Variants in CAMK4 observed in about 807,000 individuals in gnomAD.
CAMK4 encodes the protein calcium/calmodulin dependent protein kinase IV.
Under a neutral mutation model 44.9 loss-of-function variants are expected in CAMK4, and 22 were observed. The ratio of observed to expected loss-of-function variants is 0.49; its 90% confidence interval spans 0.35 to 0.70. The LOEUF is 0.70. CAMK4 is among the 30% of genes least tolerant of loss of function. The probability of loss-of-function intolerance (pLI) is 0.01; values close to 1 mark genes in which losing one functional copy is unlikely to be tolerated. For synonymous variants in CAMK4, 218 were observed against 215.4 expected, an observed-to-expected ratio of 1.01 and a Z score of -0.11; for missense variants, 498 against 586.8, an observed-to-expected ratio of 0.85 and a Z score of 1.56.
At chr5:111,436,848 G>C (rs1753663847) in intron 5 of CAMK4, among the ~76,000 whole-genome samples, 1 of 152,162 alleles carries the variant, frequency 6.6e-6, no homozygotes, top group East Asian at 1.9e-4. Context: ...ATTTTCAACA[G>C]TCTTTCCCCA....
chr5:111,246,466 A>G (rs1749244656), intron 1 of CAMK4, among the ~76,000 whole-genome samples: 1 of 152,216 alleles, frequency 6.6e-6, no homozygotes, highest in South Asian at 2.1e-4. Context: ...TCAAGTCACT[A>G]AAGTCCAGAA....
chr5:111,425,729 A>G (rs1753202877), intron 5 of CAMK4, among the ~76,000 whole-genome samples: 1 of 152,228 alleles, frequency 6.6e-6, no homozygotes, highest in East Asian at 1.9e-4. Flanking sequence ...CTTATTCCCC[A>G]TAAACACCAG....
At chr5:111,369,671 C>T (rs1245392107) in intron 2 of CAMK4, among the ~76,000 whole-genome samples, 1 of 152,076 alleles carries the variant, frequency 6.6e-6, no homozygotes, top group Non-Finnish European at 1.5e-5. Flanking sequence ...CCTCAGTATC[C>T]ATGGGAGATT....
chr5:111,345,326 A>G (rs1749821629), intron 2 of CAMK4, among the ~76,000 whole-genome samples: 1 of 151,928 alleles, frequency 6.6e-6, no homozygotes, highest in African/African-American at 2.4e-5. Flanking sequence ...TGGTGTAGGC[A>G]ATGATTTAAC....
At chr5:111,417,223 G>T (rs1752845316) in intron 5 of CAMK4, among the ~76,000 whole-genome samples, 1 of 105,906 alleles carries the variant, frequency 9.4e-6, no homozygotes, top group Non-Finnish European at 1.9e-5. Context: ...ATCACACCCA[G>T]CTAATTTTTT....
intron 5 of CAMK4, among the ~76,000 whole-genome samples, chr5:111,424,102 A>G (rs984728330): frequency 6.6e-6 from 1 of 152,210 alleles, no homozygotes; most frequent in Non-Finnish European, 1.5e-5. Context: ...ATGCCCTGCT[A>G]TAGACTATAT....
At chr5:111,473,031 C>G (rs187025549) in intron 7 of CAMK4, among the ~76,000 whole-genome samples, 73 of 152,298 alleles carry the variant, frequency 4.8e-4, no homozygotes, top group South Asian at 1.7e-3. Context: ...AGCATACATA[C>G]AGCTCTATCT....
chr5:111,435,603 G>GC (rs1376830451), intron 5 of CAMK4, among the ~76,000 whole-genome samples: 1 of 152,184 alleles, frequency 6.6e-6, no homozygotes, highest in African/African-American at 2.4e-5. Context: ...CTTGGCCAGA[G>GC]TGTGCAGACT....
chr5:111,261,873 G>T (rs984000650), intron 1 of CAMK4, among the ~76,000 whole-genome samples: 3 of 152,030 alleles, frequency 2.0e-5, no homozygotes, highest in African/African-American at 4.8e-5. Flanking sequence ...CTTCTTAAAA[G>T]TATTTTTTTT....
At chr5:111,453,791 G>T (rs1754319294) in intron 7 of CAMK4, among the ~76,000 whole-genome samples, 1 of 152,182 alleles carries the variant, frequency 6.6e-6, no homozygotes, top group Non-Finnish European at 1.5e-5. Flanking sequence ...TGCCTTTTGG[G>T]GTATTTTCTT....
rs115507597 is a variant in CAMK4, at chr5:111,392,437, T to G, written c.387-2273T>G. Among the ~76,000 whole-genome samples the G allele has an allele frequency of 7.0e-3, 1,068 of 152,096 alleles. 17 individuals are homozygous for G. Among genetic ancestry groups the G allele is most frequent in the African/African-American group, 0.024 (1,004 of 41,496 alleles). ...CTCCCACTGGGCCCCTCCTCCAATT[T>G]GACATGAGATTTGGGTGGGAACACA... On this transcript the variant is annotated intron_variant, in intron 4 of 10. Transcript: ENST00000282356.
chr5:111,261,662 A>G (rs781055010), intron 1 of CAMK4, among the ~76,000 whole-genome samples: 13 of 151,968 alleles, frequency 8.6e-5, no homozygotes, highest in Non-Finnish European at 1.5e-4. Context: ...TTATCATGCA[A>G]AAGTTGGAGA....
chr5:111,357,169 A>C (rs756285051), intron 2 of CAMK4, among the ~76,000 whole-genome samples: 12 of 152,156 alleles, frequency 7.9e-5, no homozygotes, highest in Non-Finnish European at 1.5e-4. Flanking sequence ...TAACCAACTA[A>C]AAACAGAGGA....
At chr5:111,427,614 T>A (rs1268539801) in intron 5 of CAMK4, among the ~76,000 whole-genome samples, 1 of 152,210 alleles carries the variant, frequency 6.6e-6, no homozygotes, top group Non-Finnish European at 1.5e-5. Context: ...TTGGCATTCC[T>A]CGTGGCCTGA....
At chr5:111,480,310 C>G (rs963919905) in intron 9 of CAMK4, among the ~76,000 whole-genome samples, 1 of 143,394 alleles carries the variant, frequency 7.0e-6, no homozygotes, top group Non-Finnish European at 1.5e-5. Context: ...CTCTTATTCT[C>G]AAGCCCCAGC....
chr5:111,284,516 A>T (rs558905233), intron 1 of CAMK4, among the ~76,000 whole-genome samples: 2 of 152,298 alleles, frequency 1.3e-5, no homozygotes, highest in Admixed American at 1.3e-4. Flanking sequence ...CCAGACACAG[A>T]TAGAAGCCTT....
intron 2 of CAMK4, among the ~76,000 whole-genome samples, chr5:111,344,447 CTATA>C (rs1296867128): frequency 9.4e-5 from 14 of 149,296 alleles, no homozygotes; most frequent in Non-Finnish European, 1.5e-4. Flanking sequence ...CACACACACA[CTATA>C]TAATAATTTC....
intron 1 of CAMK4, among the ~76,000 whole-genome samples, chr5:111,291,029 A>T (rs982354768): frequency 6.6e-6 from 1 of 152,218 alleles, no homozygotes; most frequent in Non-Finnish European, 1.5e-5. Flanking sequence ...TATACATAAG[A>T]TTGACAATTA....
intron 8 of CAMK4, among the ~76,000 whole-genome samples, chr5:111,477,537 C>A (rs1755290353): frequency 6.6e-6 from 1 of 152,160 alleles, no homozygotes; most frequent in Admixed American, 6.5e-5. Flanking sequence ...TTTAGAACTT[C>A]CACCCGTCTG....
Sources: allele counts gnomAD v4.1 joint callset (sites outside exome capture counted in the v4.1 genomes callset), GRCh38; gene constraint gnomAD v4.1.1; transcripts MANE v1.5; gene names NCBI Gene and HGNC (gene_info 2026-07-23, HGNC 2026-07-21).